WWOX: variants seen among roughly 807,000 people sequenced by gnomAD.
WWOX encodes WW domain-containing oxidoreductase.
In WWOX, 69 loss-of-function variants were observed where a neutral mutation model predicts 46.2. That is an observed-to-expected ratio of 1.49 (90% CI 1.23 to 1.82). The LOEUF (loss-of-function observed/expected upper bound fraction) is 1.82, where lower values mean the gene tolerates loss of function less well. Ranked by LOEUF, WWOX falls within the 40% of genes most tolerant of loss-of-function variation. The pLI, the probability that WWOX is intolerant of heterozygous loss-of-function variation, is 0.00. For synonymous variants in WWOX, 359 were observed against 202.6 expected (o/e 1.77, Z -6.56); for missense variants, 919 against 542.6 (o/e 1.69, Z -6.89).
intron 8 of WWOX, among the ~76,000 whole-genome samples, chr16:78,767,382 G>C (rs888375805): frequency 1.3e-5 from 2 of 151,792 alleles, no homozygotes; most frequent in Non-Finnish European, 2.9e-5. Context: ...TCATCCACCC[G>C]CCTGGGCTTC....
intron 8 of WWOX, among the ~76,000 whole-genome samples, chr16:78,454,357 CGTGTGT>C (rs35670260): frequency 0.15 from 22,719 of 146,716 alleles, 3,205 homozygotes; most frequent in African/African-American, 0.41. Flanking sequence ...TATGTATATT[CGTGTGT>C]GTGTGTGTGT....
chr16:79,083,232 C>T (rs2048793321), intron 8 of WWOX, among the ~76,000 whole-genome samples: 2 of 152,128 alleles, frequency 1.3e-5, no homozygotes, highest in Non-Finnish European at 2.9e-5. Context: ...ATAAGCATTG[C>T]CATTGCCATG....
chr16:78,385,909 C>T (rs1321472885), intron 5 of WWOX, among the ~76,000 whole-genome samples: 1 of 152,072 alleles, frequency 6.6e-6, no homozygotes, highest in African/African-American at 2.4e-5. Context: ...CGAAGCGCAC[C>T]CAGATTTAAA....
chr16:78,523,527 G>A (rs1209260648), intron 8 of WWOX, among the ~76,000 whole-genome samples: 1 of 152,198 alleles, frequency 6.6e-6, no homozygotes, highest in African/African-American at 2.4e-5. Flanking sequence ...TTAAATGCTT[G>A]TACTCTCTAT....
intron 5 of WWOX, among the ~76,000 whole-genome samples, chr16:78,321,772 T>A (rs760185456): frequency 1.3e-5 from 2 of 152,240 alleles, no homozygotes; most frequent in Middle Eastern, 3.4e-3. Flanking sequence ...TCACAGGCCC[T>A]CCCTGTCAGT....
chr16:78,692,733 A>C lies in WWOX; in HGVS notation c.1056+259981A>C, dbSNP rs7194544. On this transcript the variant is annotated intron_variant, in intron 8 of 8. Transcript: ENST00000566780. The stretch of plus-strand genomic sequence containing the variant: ...GAAACAAGAAGACCCTCTTAATTTC[A>C]TGCTTCTTAAACTGGGGTATGAGTG... Among the ~76,000 whole-genome samples, 1,476 of 152,316 alleles carry C rather than the reference A, an allele frequency of 9.7e-3. 23 individuals carry two copies. The highest frequency in any genetic ancestry group is 0.034 in the African/African-American group (1,423 of 41,568).
At chr16:78,869,350 A>C (rs767204560) in intron 8 of WWOX, among the ~76,000 whole-genome samples, 14 of 152,148 alleles carry the variant, frequency 9.2e-5, no homozygotes, top group Non-Finnish European at 1.8e-4. Flanking sequence ...TACTTTTCCA[A>C]GCATCCAGAC....
At chr16:78,191,646 A>G (rs559378600) in intron 5 of WWOX, among the ~76,000 whole-genome samples, 17 of 152,236 alleles carry the variant, frequency 1.1e-4, no homozygotes, top group Middle Eastern at 6.8e-3. Flanking sequence ...GTTTGGTGGA[A>G]TTAACATAGA....
At chr16:78,963,830 C>A (rs959183352) in intron 8 of WWOX, among the ~76,000 whole-genome samples, 1 of 152,170 alleles carries the variant, frequency 6.6e-6, no homozygotes. Flanking sequence ...TGAATCGTAT[C>A]TCCCAGAATT....
intron 8 of WWOX, among the ~76,000 whole-genome samples, chr16:79,124,370 T>G (rs566844140): frequency 1.7e-4 from 26 of 152,120 alleles, no homozygotes; most frequent in African/African-American, 6.3e-4. Flanking sequence ...CACTGGTTTA[T>G]TGGAAACCAT....
chr16:78,627,079 A>G (rs1327051883), intron 8 of WWOX, among the ~76,000 whole-genome samples: 2 of 152,082 alleles, frequency 1.3e-5, no homozygotes, highest in Non-Finnish European at 1.5e-5. Flanking sequence ...GCATGCTACT[A>G]TAATTTCTGG....
intron 5 of WWOX, among the ~76,000 whole-genome samples, chr16:78,264,015 T>TTTTTTTTTTTC (rs2079307702): frequency 7.2e-6 from 1 of 139,010 alleles, no homozygotes; most frequent in Non-Finnish European, 1.5e-5. Flanking sequence ...TTTTTTTTTT[T>TTTTTTTTTTTC]GTTTTTTTGC....
chr16:79,087,717 T>G (rs906524113), intron 8 of WWOX, among the ~76,000 whole-genome samples: 5 of 152,204 alleles, frequency 3.3e-5, no homozygotes, highest in African/African-American at 1.2e-4. Context: ...GTTATAGAGT[T>G]ATTGGTACTT....
intron 8 of WWOX, among the ~76,000 whole-genome samples, chr16:79,142,758 G>T (rs1343163028): frequency 6.6e-6 from 1 of 152,156 alleles, no homozygotes; most frequent in Non-Finnish European, 1.5e-5. Flanking sequence ...GACTGCAGTG[G>T]CACCATTATG....
chr16:78,786,266 A>G (rs935368528), intron 8 of WWOX, among the ~76,000 whole-genome samples: 1 of 152,210 alleles, frequency 6.6e-6, no homozygotes, highest in Admixed American at 6.5e-5. Context: ...AAAGCAATAA[A>G]TGACACCTGG....
chr16:78,950,570 C>T (rs1307413499), intron 8 of WWOX, among the ~76,000 whole-genome samples: 1 of 144,756 alleles, frequency 6.9e-6, no homozygotes, highest in Non-Finnish European at 1.5e-5. Context: ...ACACACGTTT[C>T]TGGTATTAGG....
chr16:78,434,104 A>C (rs2083285434), intron 8 of WWOX, among the ~76,000 whole-genome samples: 1 of 152,110 alleles, frequency 6.6e-6, no homozygotes, highest in Non-Finnish European at 1.5e-5. Context: ...ATGACTTTTA[A>C]AACCACATCA....
At chr16:78,202,337 C>G (rs2036257000) in intron 5 of WWOX, among the ~76,000 whole-genome samples, 1 of 152,338 alleles carries the variant, frequency 6.6e-6, no homozygotes, top group South Asian at 2.1e-4. Flanking sequence ...AACCCTTGGC[C>G]CATGCCTCAT....
At chr16:78,614,038 C>A (rs560589258) in intron 8 of WWOX, among the ~76,000 whole-genome samples, 2 of 152,196 alleles carry the variant, frequency 1.3e-5, no homozygotes, top group African/African-American at 4.8e-5. Context: ...AAAATATTTA[C>A]TATCTGGCTC....
Sources: allele counts gnomAD v4.1 joint callset (sites outside exome capture counted in the v4.1 genomes callset), GRCh38; gene constraint gnomAD v4.1.1; transcripts MANE v1.5; gene names NCBI Gene and HGNC (gene_info 2026-07-23, HGNC 2026-07-21).